Variants in PPP2R2B observed in about 807,000 individuals in gnomAD.
PPP2R2B encodes the protein protein phosphatase 2 regulatory subunit Bbeta.
In PPP2R2B, 5 loss-of-function variants were observed where a neutral mutation model predicts 46.0. That is an observed-to-expected ratio of 0.11 (90% confidence interval 0.06 to 0.23). The LOEUF (loss-of-function observed/expected upper bound fraction) is 0.23, where lower values mean the gene tolerates loss of function less well. Ranked by LOEUF, PPP2R2B falls within the 10% of genes least tolerant of loss-of-function variation. The probability of loss-of-function intolerance (pLI) is 1.00; values close to 1 mark genes in which losing one functional copy is unlikely to be tolerated. For synonymous variants in PPP2R2B, 215 were observed against 206.7 expected (o/e 1.04, Z -0.34); for missense variants, 367 against 575.0 (o/e 0.64, Z 3.70).
intron 2 of PPP2R2B, among the ~76,000 whole-genome samples, chr5:146,764,286 C>G (rs959663515): frequency 6.6e-6 from 1 of 152,124 alleles, no homozygotes; most frequent in Non-Finnish European, 1.5e-5. Flanking sequence ...GGAATTTACC[C>G]TGAGAAGCCA....
At position 146,818,178 on chromosome 5, in the gene PPP2R2B, G is replaced by A. The variant is rs533859132; in HGVS notation, c.70+59824C>T. Among the ~76,000 whole-genome samples, 91 of 152,146 alleles carry A rather than the reference G, an allele frequency of 6.0e-4. 1 individual carries two copies. The highest frequency in any genetic ancestry group is 6.9e-4 in the Non-Finnish European group (47 of 68,026). On this transcript the variant is annotated intron_variant, in intron 2 of 9. Coordinates refer to ENST00000394411, the MANE Select transcript of PPP2R2B (RefSeq NM_181675.4). ...CTCCTTTTGTGACTATTTGATCAAA[G>A]TACGTCTTTCCCGCCAAATTTTAAA...
At chr5:146,711,372 T>C (rs1273854357) in intron 2 of PPP2R2B, among the ~76,000 whole-genome samples, 1 of 152,122 alleles carries the variant, frequency 6.6e-6, no homozygotes, top group African/African-American at 2.4e-5. Context: ...GTATCAATAA[T>C]CAAAATATGT....
intron 2 of PPP2R2B, among the ~76,000 whole-genome samples, chr5:147,066,697 C>T (rs1416841603): frequency 1.3e-5 from 2 of 152,176 alleles, no homozygotes; most frequent in South Asian, 2.1e-4. Flanking sequence ...GATATGGCCC[C>T]TGTCTTAATG....
At chr5:147,029,183 GATT>G (rs1755665795) in intron 1 of PPP2R2B, among the ~76,000 whole-genome samples, 1 of 151,924 alleles carries the variant, frequency 6.6e-6, no homozygotes, top group Non-Finnish European at 1.5e-5. Flanking sequence ...TTCCTTCTAT[GATT>G]ATTATCACCT....
rs144194225 is a variant in PPP2R2B at position 146,902,577 on chromosome 5, C to T, written c.79+153088G>A. Reference sequence around the variant, plus strand: ...CTGGCTCTAGATATACAACTACACACGGCCTCGTTAAAGTGCTCTTAACTG... The same window carrying T: ...CTGGCTCTAGATATACAACTACACATGGCCTCGTTAAAGTGCTCTTAACTG... On this transcript the variant is annotated intron_variant, in intron 1 of 8. Coordinates refer to the PPP2R2B transcript ENST00000336640. Among the ~76,000 whole-genome samples the T allele has an allele frequency of 3.1e-3, 471 of 152,312 alleles. 3 individuals are homozygous for T. Among genetic ancestry groups the T allele is most frequent in the African/African-American group, 9.2e-3 (382 of 41,568 alleles).
chr5:146,691,083 G>T, intron 5 of PPP2R2B, 45 bp downstream of exon 5: 1 of 1,558,524 alleles, frequency 6.4e-7, no homozygotes. Context: ...AACCTTAGGA[G>T]ACCTGCCCCT....
At chr5:147,074,274 G>A (rs902881659) in intron 2 of PPP2R2B, among the ~76,000 whole-genome samples, 4 of 152,130 alleles carry the variant, frequency 2.6e-5, no homozygotes, top group African/African-American at 7.2e-5. Flanking sequence ...TTACAAATTG[G>A]TGCCTAATTA....
intron 5 of PPP2R2B, among the ~76,000 whole-genome samples, chr5:146,682,516 C>T (rs995102505): frequency 6.6e-6 from 1 of 152,126 alleles, no homozygotes. Flanking sequence ...ATGGCTGTGC[C>T]ACTTAGTAGC....
At chr5:147,010,360 C>A (rs1754660775) in intron 1 of PPP2R2B, among the ~76,000 whole-genome samples, 1 of 152,114 alleles carries the variant, frequency 6.6e-6, no homozygotes. Flanking sequence ...TTATTGTGCA[C>A]TTTATTTCTA....
intron 6 of PPP2R2B, among the ~76,000 whole-genome samples, chr5:146,643,507 G>C (rs1399648713): frequency 1.3e-5 from 2 of 152,178 alleles, no homozygotes; most frequent in Non-Finnish European, 2.9e-5. Context: ...AAGGTTCTTG[G>C]CATTGTATGT....
chr5:146,712,449 A>T (rs1780265731), intron 2 of PPP2R2B, among the ~76,000 whole-genome samples: 1 of 152,220 alleles, frequency 6.6e-6, no homozygotes, highest in Admixed American at 6.5e-5. Context: ...ATAAATATTC[A>T]TCAGGATAAA....
intron 2 of PPP2R2B, among the ~76,000 whole-genome samples, chr5:146,817,635 A>T (rs1258556836): frequency 3.3e-5 from 5 of 152,186 alleles, no homozygotes; most frequent in Non-Finnish European, 7.4e-5. Context: ...GTTTTTAATG[A>T]CTAAAGTAAC....
intron 1 of PPP2R2B, among the ~76,000 whole-genome samples, chr5:146,978,206 C>A (rs879922226): frequency 3.9e-5 from 6 of 152,034 alleles, no homozygotes; most frequent in African/African-American, 1.5e-4. Context: ...ATGCTTTGCC[C>A]ACTTTTTGAT....
intron 2 of PPP2R2B, among the ~76,000 whole-genome samples, chr5:146,739,665 G>T (rs1752750802): frequency 6.6e-6 from 1 of 152,194 alleles, no homozygotes; most frequent in Non-Finnish European, 1.5e-5. Context: ...AAGAAGCTAC[G>T]ATTATAATTT....
At chr5:146,899,749 A>G (rs1247018688) in intron 1 of PPP2R2B, among the ~76,000 whole-genome samples, 3 of 152,300 alleles carry the variant, frequency 2.0e-5, no homozygotes, top group African/African-American at 7.2e-5. Context: ...TAGGAAATCA[A>G]AAATAAGGAA....
intron 2 of PPP2R2B, among the ~76,000 whole-genome samples, chr5:146,775,069 C>G (rs901779666): frequency 5.9e-5 from 9 of 152,096 alleles, no homozygotes; most frequent in Non-Finnish European, 1.5e-5. Flanking sequence ...AGAATTAACA[C>G]CAATCCTTCT....
chr5:146,875,339 G>C (rs984188407), intron 2 of PPP2R2B, among the ~76,000 whole-genome samples: 11 of 152,144 alleles, frequency 7.2e-5, no homozygotes, highest in Non-Finnish European at 1.5e-4. Flanking sequence ...TTAAAAAAAA[G>C]TCCTAGGAAA....
intron 7 of PPP2R2B, among the ~76,000 whole-genome samples, chr5:146,619,807 C>T (rs1343613665): frequency 6.6e-6 from 1 of 152,182 alleles, no homozygotes; most frequent in Non-Finnish European, 1.5e-5. Flanking sequence ...TCCTATTCAA[C>T]CTTCAGGGCT....
chr5:146,868,654 G>T (rs1202276200), intron 2 of PPP2R2B, among the ~76,000 whole-genome samples: 2 of 85,198 alleles, frequency 2.3e-5, no homozygotes, highest in African/African-American at 8.5e-5. Context: ...AACTGCTTAC[G>T]ATACTGCATT....
Sources: gnomAD v4.1 joint callset for allele counts (sites outside exome capture counted in the v4.1 genomes callset) on GRCh38, gnomAD v4.1.1 for gene constraint, MANE v1.5 for transcripts, NCBI Gene and HGNC (gene_info 2026-07-23, HGNC 2026-07-21) for gene names.